Variants in CFAP77 observed in about 807,000 individuals in gnomAD.
CFAP77 encodes the protein cilia and flagella associated protein 77.
CFAP77 carries 25 observed loss-of-function variants against 31.1 expected under a neutral mutation model. The observed-to-expected ratio is 0.80, with a 90% confidence interval of 0.59 to 1.12. The LOEUF (loss-of-function observed/expected upper bound fraction) is 1.12, where lower values mean the gene tolerates loss of function less well. CFAP77 is among the 50% of genes most tolerant of loss of function. The probability of loss-of-function intolerance (pLI) is 0.00; values close to 1 mark genes in which losing one functional copy is unlikely to be tolerated. For missense variants in CFAP77, 377 were observed against 397.3 expected, an observed-to-expected ratio of 0.95 and a Z score of 0.44; for synonymous variants, 151 against 159.9, an observed-to-expected ratio of 0.94 and a Z score of 0.42.
At chr9:132,536,391 C>CTTTTT (rs35488775) in intron 3 of CFAP77, among the ~76,000 whole-genome samples, 9 of 122,344 alleles carry the variant, frequency 7.4e-5, no homozygotes, top group Non-Finnish European at 1.4e-4. Flanking sequence ...GCTCATAGTT[C>CTTTTT]TTTTTTTTTT....
chr9:132,437,911 G>A (rs1031422736), intron 1 of CFAP77, among the ~76,000 whole-genome samples: 2 of 151,194 alleles, frequency 1.3e-5, no homozygotes, highest in African/African-American at 4.9e-5. Context: ...CAAGAGTACA[G>A]AGAAAAGTGA....
chr9:132,558,138 G>A (rs1224809022), intron 5 of CFAP77, among the ~76,000 whole-genome samples: 2 of 152,222 alleles, frequency 1.3e-5, no homozygotes, highest in Admixed American at 6.5e-5. Flanking sequence ...CCCTGCCTTA[G>A]AGAGGTCATG....
At chr9:132,471,635 C>G (rs144235919) in intron 1 of CFAP77, among the ~76,000 whole-genome samples, 8 of 152,198 alleles carry the variant, frequency 5.3e-5, no homozygotes, top group Admixed American at 1.3e-4. Context: ...TACAGCTAAC[C>G]CAGCTATTAC....
At chr9:132,472,346 A>C (rs981101576) in intron 1 of CFAP77, among the ~76,000 whole-genome samples, 3 of 152,216 alleles carry the variant, frequency 2.0e-5, no homozygotes, top group African/African-American at 7.2e-5. Flanking sequence ...TAGAATGCAA[A>C]AGCCATTCTA....
At position 132,554,096 on chromosome 9, in the gene CFAP77, T is replaced by G. The variant is rs1434419367; in HGVS notation, c.732+11049T>G. 6.6e-6 allele frequency among the ~76,000 whole-genome samples: 1 copy of G among 152,172 alleles called. No individual in the cohort carries two copies. The highest frequency in any genetic ancestry group is 2.4e-5 in the African/African-American group (1 of 41,444). On this transcript the variant is annotated intron_variant, in intron 5 of 5. Transcript: ENST00000393216. This position sits in a 1 kb window ranked among gnomAD's most constrained non-coding sequence, Gnocchi z 4.1. Reference sequence around the variant, plus strand: ...GCAGGTGAGAAACTGAGGCCCCTGGTCACACAGCTGGAAAGCGATAGGACC... The same window carrying G: ...GCAGGTGAGAAACTGAGGCCCCTGGGCACACAGCTGGAAAGCGATAGGACC...
intron 1 of CFAP77, among the ~76,000 whole-genome samples, chr9:132,453,200 T>A (rs1443024299): frequency 6.6e-6 from 1 of 152,084 alleles, no homozygotes; most frequent in Non-Finnish European, 1.5e-5. Context: ...ATTCCTAAAA[T>A]CCTTCCCAAA....
chr9:132,471,060 G>C (rs1324338614), intron 1 of CFAP77, among the ~76,000 whole-genome samples: 2 of 152,042 alleles, frequency 1.3e-5, no homozygotes, highest in Non-Finnish European at 2.9e-5. Flanking sequence ...TAAAACACTT[G>C]TGTGGGCCCC....
intron 1 of CFAP77, among the ~76,000 whole-genome samples, chr9:132,448,092 T>C (rs1850759604): frequency 6.6e-6 from 1 of 152,070 alleles, no homozygotes; most frequent in African/African-American, 2.4e-5. Context: ...GGCTGAGGAC[T>C]AATTTAGCTT....
chr9:132,556,332 G>A (rs774842853), intron 5 of CFAP77, among the ~76,000 whole-genome samples: 4 of 152,174 alleles, frequency 2.6e-5, no homozygotes, highest in East Asian at 1.9e-4. Context: ...ATTTCTAAGC[G>A]GGGGTGGGCA....
chr9:132,515,792 G>A (rs1852134801), intron 3 of CFAP77, among the ~76,000 whole-genome samples: 1 of 152,200 alleles, frequency 6.6e-6, no homozygotes, highest in Non-Finnish European at 1.5e-5. Flanking sequence ...TCCATGGTGA[G>A]GAACTTTGAG....
Position 132,501,875 on chromosome 9 carries a change from G to A in CFAP77, c.524+2275G>A, listed in dbSNP as rs1449677879. Reference sequence around the variant, plus strand: ...GGTGAAATCAGTCCCTGCAATCTACGTGGGCCGATGGTGGAAAAGACGTAC... The same window carrying A: ...GGTGAAATCAGTCCCTGCAATCTACATGGGCCGATGGTGGAAAAGACGTAC... On this transcript the variant is annotated intron_variant, in intron 3 of 5. Coordinates refer to ENST00000393216, the MANE Select transcript of CFAP77 (RefSeq NM_001282957.2). The surrounding 1 kb of genome is among the most constrained non-coding windows in gnomAD (Gnocchi z 4.6). 2.0e-5 allele frequency among the ~76,000 whole-genome samples: 3 copies of A among 152,176 alleles called. No homozygotes were observed. The highest frequency in any genetic ancestry group is 6.5e-5 in the Admixed American group (1 of 15,270).
intron 3 of CFAP77, among the ~76,000 whole-genome samples, chr9:132,513,765 A>C (rs1852085821): frequency 1.3e-5 from 2 of 152,170 alleles, no homozygotes; most frequent in South Asian, 4.1e-4. Context: ...CTCGGGGTTG[A>C]TGTCCACGAG....
intron 1 of CFAP77, among the ~76,000 whole-genome samples, chr9:132,487,347 G>GC (rs1564223926): frequency 6.6e-6 from 1 of 151,914 alleles, no homozygotes; most frequent in African/African-American, 2.4e-5. Context: ...ATGACCCCTC[G>GC]CCCCCCAGCC....
At chr9:132,461,074 A>T (rs1851040990) in intron 1 of CFAP77, among the ~76,000 whole-genome samples, 1 of 152,226 alleles carries the variant, frequency 6.6e-6, no homozygotes, top group Middle Eastern at 3.2e-3. Context: ...TTAAAAAAAA[A>T]TTAATGTAAA....
chr9:132,427,189 G>A (rs554354520), intron 1 of CFAP77, among the ~76,000 whole-genome samples: 7 of 152,330 alleles, frequency 4.6e-5, no homozygotes, highest in East Asian at 3.9e-4. Context: ...GAGAAGCCCC[G>A]ATTCTTCTCT....
chr9:132,486,090 A>ATTTTTTT (rs1178281920), intron 1 of CFAP77, among the ~76,000 whole-genome samples: 5 of 15,362 alleles, frequency 3.3e-4, no homozygotes, highest in Admixed American at 2.3e-3. Context: ...ATATATATAT[A>ATTTTTTT]TTTTTTTTTT....
In CFAP77 at chr9:132,571,834, C is replaced by T. The variant is rs113738035; in HGVS notation, c.733-554C>T. Among the ~76,000 whole-genome samples, 74 of 151,660 alleles carry T rather than the reference C, an allele frequency of 4.9e-4. 1 individual carries two copies. The highest frequency in any genetic ancestry group is 1.8e-3 in the African/African-American group (73 of 41,360). ...AGGGCAGGCTGAGATACCGATTGCA[C>T]AAAATCTTAACTGAAGAGGCTCCCA... On this transcript the variant is annotated intron_variant, in intron 5 of 5. Coordinates refer to ENST00000393216, the MANE Select transcript of CFAP77 (RefSeq NM_001282957.2).
At chr9:132,533,547 T>C (rs1271826993) in intron 3 of CFAP77, among the ~76,000 whole-genome samples, 2 of 152,194 alleles carry the variant, frequency 1.3e-5, no homozygotes, top group Non-Finnish European at 2.9e-5. Flanking sequence ...GCTCACGTTA[T>C]ATTAGGTTGG....
chr9:132,518,417 G>A (rs1431207042), intron 3 of CFAP77, among the ~76,000 whole-genome samples: 1 of 152,126 alleles, frequency 6.6e-6, no homozygotes, highest in African/African-American at 2.4e-5. Flanking sequence ...CAGGGCCAGG[G>A]GAACCCGGAT....
Sources: allele counts gnomAD v4.1 joint callset (sites outside exome capture counted in the v4.1 genomes callset), GRCh38; gene constraint gnomAD v4.1.1; non-coding constraint Gnocchi (gnomAD v3.1); transcripts MANE v1.5; gene names NCBI Gene and HGNC (gene_info 2026-07-23, HGNC 2026-07-21).